The following MAGI3 variants were observed in gnomAD, a reference collection of about 807,000 sequenced individuals.
MAGI3 encodes membrane-associated guanylate kinase, WW and PDZ domain-containing protein 3.
Under a neutral mutation model 121.8 loss-of-function variants are expected in MAGI3, and 43 were observed. The ratio of observed to expected loss-of-function variants is 0.35; its 90% confidence interval spans 0.28 to 0.46. The LOEUF (loss-of-function observed/expected upper bound fraction) is 0.46. MAGI3 is among the 20% of genes least tolerant of loss of function. The pLI, the probability that MAGI3 is intolerant of heterozygous loss-of-function variation, is 1.00. For synonymous variants in MAGI3, 553 were observed against 639.3 expected (o/e 0.86, Z 2.04); for missense variants, 1,547 against 1,797.3 (o/e 0.86, Z 2.52).
chr1:113,408,747 A>G (rs970800591), intron 1 of MAGI3, among the ~76,000 whole-genome samples: 1 of 152,112 alleles, frequency 6.6e-6, no homozygotes, highest in Admixed American at 6.6e-5. Flanking sequence ...CTCAGCTCAT[A>G]TCTTCCCAAA....
chr1:113,568,809 T>C (rs557835372), intron 2 of MAGI3, among the ~76,000 whole-genome samples: 2 of 152,220 alleles, frequency 1.3e-5, no homozygotes, highest in African/African-American at 4.8e-5. Context: ...GTTAAAGTCC[T>C]AGGTGTGAAA....
intron 2 of MAGI3, among the ~76,000 whole-genome samples, chr1:113,559,700 T>C (rs1354186214): frequency 6.6e-6 from 1 of 152,134 alleles, no homozygotes; most frequent in East Asian, 1.9e-4. Flanking sequence ...CCTGAATAGC[T>C]GGGACTATAG....
Position 113,445,692 on chromosome 1 carries a change from T to C in MAGI3, c.316+54343T>C, listed in dbSNP as rs186548853. The stretch of plus-strand genomic sequence containing the variant: ...ATACCAGGGATCCTTAATATTATTA[T>C]TGGCAGATTTCTCATCAGAAACTTT... On this transcript the variant is annotated intron_variant, in intron 1 of 20. Transcript: ENST00000307546. 4.1e-3 allele frequency among the ~76,000 whole-genome samples: 617 copies of C among 152,326 alleles called. 1 individual carries two copies. The highest frequency in any genetic ancestry group is 6.8e-3 in the Middle Eastern group (2 of 294).
At chr1:113,625,348 A>T (rs988260397) in intron 9 of MAGI3, among the ~76,000 whole-genome samples, 1 of 152,160 alleles carries the variant, frequency 6.6e-6, no homozygotes, top group Non-Finnish European at 1.5e-5. Context: ...ATATCTTTTC[A>T]TTTTTTGTGT....
chr1:113,663,843 T>C (rs1175002917), intron 16 of MAGI3, among the ~76,000 whole-genome samples: 1 of 152,196 alleles, frequency 6.6e-6, no homozygotes, highest in African/African-American at 2.4e-5. Context: ...CATTTCCCCA[T>C]ATCCTTGCCA....
At chr1:113,546,907 C>T (rs1284377130) in intron 1 of MAGI3, among the ~76,000 whole-genome samples, 1 of 151,202 alleles carries the variant, frequency 6.6e-6, no homozygotes, top group Non-Finnish European at 1.5e-5. Context: ...ACGGTGAAGC[C>T]CCGTCTCTAC....
At chr1:113,634,262 T>C (rs1651856416) in intron 9 of MAGI3, among the ~76,000 whole-genome samples, 1 of 151,486 alleles carries the variant, frequency 6.6e-6, no homozygotes, top group Admixed American at 6.6e-5. Context: ...TTGTCAATTT[T>C]GGCTTTTGTT....
chr1:113,573,014 C>T (rs1179493388), intron 2 of MAGI3, among the ~76,000 whole-genome samples: 1 of 152,066 alleles, frequency 6.6e-6, no homozygotes, highest in African/African-American at 2.4e-5. Context: ...CAAGCTCCGC[C>T]TCCTGGGTTC....
intron 2 of MAGI3, among the ~76,000 whole-genome samples, chr1:113,571,700 C>CCA (rs1174963170): frequency 6.6e-6 from 1 of 152,014 alleles, no homozygotes; most frequent in Non-Finnish European, 1.5e-5. Context: ...GTTTGCCTAT[C>CCA]ATTGGTGTAT....
intron 7 of MAGI3, among the ~76,000 whole-genome samples, chr1:113,615,349 T>C (rs1360834844): frequency 6.6e-6 from 1 of 152,176 alleles, no homozygotes; most frequent in African/African-American, 2.4e-5. Context: ...GAATTTGACC[T>C]CAAGCGTCTA....
intron 1 of MAGI3, among the ~76,000 whole-genome samples, chr1:113,542,156 A>G (rs1177528509): frequency 2.0e-5 from 3 of 151,974 alleles, no homozygotes; most frequent in African/African-American, 7.3e-5. Context: ...CCCCCAGTGG[A>G]TGCCGGAAAC....
chr1:113,442,191 CATAT>C (rs1007407269), intron 1 of MAGI3, among the ~76,000 whole-genome samples: 17 of 151,948 alleles, frequency 1.1e-4, no homozygotes, highest in African/African-American at 4.1e-4. Flanking sequence ...TGAGAGAGAG[CATAT>C]ATATACTTTA....
At chr1:113,674,486 T>G (rs1020345837) in intron 19 of MAGI3, among the ~76,000 whole-genome samples, 1 of 152,080 alleles carries the variant, frequency 6.6e-6, no homozygotes, top group East Asian at 1.9e-4. Context: ...TTAAAAACTT[T>G]TAATTTCTAG....
At chr1:113,461,709 A>T (rs1655046305) in intron 1 of MAGI3, among the ~76,000 whole-genome samples, 1 of 152,224 alleles carries the variant, frequency 6.6e-6, no homozygotes, top group Non-Finnish European at 1.5e-5. Flanking sequence ...CAACAAAAGC[A>T]AAAATTGACA....
chr1:113,582,686 GAC>G (rs1421415118), intron 3 of MAGI3, among the ~76,000 whole-genome samples: 1 of 151,952 alleles, frequency 6.6e-6, no homozygotes, highest in Admixed American at 6.6e-5. Context: ...CAGGAGGAAA[GAC>G]ACATATCAAC....
At chr1:113,625,577 T>C (rs1651191282) in intron 9 of MAGI3, among the ~76,000 whole-genome samples, 1 of 152,234 alleles carries the variant, frequency 6.6e-6, no homozygotes, top group Non-Finnish European at 1.5e-5. Context: ...TTATCAGTTC[T>C]AATAGTTTTT....
At chr1:113,424,654 G>T (rs1049917967) in intron 1 of MAGI3, among the ~76,000 whole-genome samples, 5 of 152,162 alleles carry the variant, frequency 3.3e-5, no homozygotes, top group Admixed American at 6.5e-5. Flanking sequence ...TTACTGAGTA[G>T]TATTTTTGTT....
chr1:113,423,297 A>G (rs1017953459), intron 1 of MAGI3, among the ~76,000 whole-genome samples: 3 of 141,124 alleles, frequency 2.1e-5, no homozygotes, highest in Non-Finnish European at 4.5e-5. Context: ...TTTGAGACGT[A>G]GTCTCGCACT....
rs530903641 is a variant in MAGI3, at chr1:113,393,689, ATAT to A, written c.316+2345_316+2347del. 2.3e-4 allele frequency among the ~76,000 whole-genome samples: 35 copies of A among 152,370 alleles called. No homozygotes were observed. The East Asian group carries it at 5.8e-3, about 25-fold the overall frequency. Reference sequence around the variant, plus strand: ...AACTTTTGAGTTTGATTAAAAACAAATATTATTTTCAGAAGAGACAAAGATTCT... The same window carrying A: ...AACTTTTGAGTTTGATTAAAAACAAATATTTTCAGAAGAGACAAAGATTCT... On this transcript the variant is annotated intron_variant, in intron 1 of 20. Transcript: ENST00000307546.
Sources: allele counts gnomAD v4.1 joint callset (sites outside exome capture counted in the v4.1 genomes callset), GRCh38; gene constraint gnomAD v4.1.1; transcripts MANE v1.5; gene names NCBI Gene and HGNC (gene_info 2026-07-23, HGNC 2026-07-21).